The following KCNMA1 variants were observed in gnomAD, a reference collection of about 807,000 sequenced individuals.
The protein encoded by KCNMA1 is Calcium-activated potassium channel subunit alpha-1.
Under a neutral mutation model 140.0 loss-of-function variants are expected in KCNMA1, and 29 were observed. That is an observed-to-expected ratio of 0.21 (90% CI 0.15 to 0.28). KCNMA1 has a LOEUF of 0.28. KCNMA1 is among the 10% of genes least tolerant of loss of function. KCNMA1 has a pLI of 1.00. For synonymous variants in KCNMA1, 612 were observed against 611.9 expected (o/e 1.00, Z 0.00); for missense variants, 880 against 1,602.2 (o/e 0.55, Z 7.70).
chr10:77,034,804 A>T (rs1237094708), intron 15 of KCNMA1, among the ~76,000 whole-genome samples: 1 of 152,232 alleles, frequency 6.6e-6, no homozygotes, highest in Non-Finnish European at 1.5e-5. Context: ...GACACATACC[A>T]TATTTTAAAT....
At chr10:77,094,266 G>A (rs2096878131) in intron 9 of KCNMA1, among the ~76,000 whole-genome samples, 1 of 152,088 alleles carries the variant, frequency 6.6e-6, no homozygotes, top group Admixed American at 6.5e-5. Context: ...TATATGCCTG[G>A]CATCCCACAG....
At chr10:77,427,717 A>ATT (rs1566785244) in intron 1 of KCNMA1, among the ~76,000 whole-genome samples, 37 of 61,422 alleles carry the variant, frequency 6.0e-4, no homozygotes, top group African/African-American at 2.6e-3. Flanking sequence ...GCATCCATCC[A>ATT]TTCATTTATT....
chr10:76,995,455 A>G (rs1237389712), intron 19 of KCNMA1: 1 of 420,200 alleles, frequency 2.4e-6, no homozygotes, highest in South Asian at 1.8e-5. Context: ...AGCCTGCTCT[A>G]ATTCAAACCT....
chr10:76,987,987 T>C (rs1165951663), intron 19 of KCNMA1, among the ~76,000 whole-genome samples: 6 of 152,162 alleles, frequency 3.9e-5, no homozygotes, highest in African/African-American at 1.2e-4. Flanking sequence ...AGGGCAACAA[T>C]GGCAGACTAG....
At chr10:77,620,179 C>T (rs2280163) in intron 1 of KCNMA1, among the ~76,000 whole-genome samples, 36,094 of 152,090 alleles carry the variant, frequency 0.24, 4,598 homozygotes, top group Middle Eastern at 0.36. Context: ...TCTGGCTCGA[C>T]CTCACCCAGA....
intron 3 of KCNMA1, among the ~76,000 whole-genome samples, chr10:77,229,396 A>G (rs2052743929): frequency 6.6e-6 from 1 of 152,108 alleles, no homozygotes. Context: ...TAGTAGTAAC[A>G]ATAATTTAAA....
intron 1 of KCNMA1, among the ~76,000 whole-genome samples, chr10:77,503,262 T>C (rs2044575182): frequency 6.6e-6 from 1 of 152,064 alleles, no homozygotes; most frequent in Non-Finnish European, 1.5e-5. Flanking sequence ...AACAATAAAA[T>C]CCATCTTCCA....
chr10:77,010,706 T>C (rs1044628578), intron 18 of KCNMA1, among the ~76,000 whole-genome samples: 15 of 152,000 alleles, frequency 9.9e-5, no homozygotes, highest in Admixed American at 6.6e-4. Flanking sequence ...GTGATATTTA[T>C]AGATGACTGG....
At chr10:76,895,793 T>C (rs964109218) in intron 25 of KCNMA1, among the ~76,000 whole-genome samples, 9 of 152,124 alleles carry the variant, frequency 5.9e-5, no homozygotes, top group African/African-American at 1.9e-4. Flanking sequence ...GCTGGGTGTC[T>C]GGGGGAGACA....
At chr10:76,938,498 C>T (rs79620846) in intron 23 of KCNMA1, among the ~76,000 whole-genome samples, 1,750 of 152,320 alleles carry the variant, frequency 0.011, 6 homozygotes, top group Non-Finnish European at 0.018. Context: ...GTCCTTGCAT[C>T]TTCTTCCTTT....
rs913801007 is a variant in KCNMA1 at position 77,576,638 on chromosome 10, C to T, written c.378+60627G>A. Among the ~76,000 whole-genome samples, 8 of 152,168 alleles carry T rather than the reference C, an allele frequency of 5.3e-5. No individual in the cohort carries two copies. The East Asian group carries it at 1.3e-3, about 26-fold the overall frequency. On this transcript the variant is annotated intron_variant, in intron 1 of 27. Coordinates refer to ENST00000286628, the MANE Select transcript of KCNMA1 (RefSeq NM_001161352.2). ...GACAGAAACACAGGAAGCACACAGC[C>T]GTGCAAGAAAGCTCACCATGGGATT...
intron 2 of KCNMA1, among the ~76,000 whole-genome samples, chr10:77,399,358 A>T (rs372125850): frequency 4.6e-5 from 7 of 152,370 alleles, no homozygotes; most frequent in African/African-American, 1.7e-4. Flanking sequence ...AGTGGAATTT[A>T]TCAGCACGTC....
At chr10:77,548,883 G>A (rs1455229695) in intron 1 of KCNMA1, among the ~76,000 whole-genome samples, 1 of 152,226 alleles carries the variant, frequency 6.6e-6, no homozygotes, top group Non-Finnish European at 1.5e-5. Context: ...TGGCAATCAA[G>A]ATGGACAAAT....
intron 1 of KCNMA1, among the ~76,000 whole-genome samples, chr10:77,543,363 G>T (rs1169197704): frequency 1.3e-5 from 2 of 152,106 alleles, no homozygotes; most frequent in Non-Finnish European, 2.9e-5. Flanking sequence ...GAGTCCTAAA[G>T]AATTTGCCCT....
Position 77,637,377 on chromosome 10 carries a change from G to A in KCNMA1, c.266C>T (p.Ala89Val), listed in dbSNP as rs780328891. 6.2e-7 allele frequency: 1 copy of A among 1,613,858 alleles called. No individual in the cohort carries two copies. ...AGTCACCATGGAGGAGGCCAGGAAAGCCCACCACATGCGTTGGCCCCGGCT... is the reference window on the plus strand; with the variant it reads ...AGTCACCATGGAGGAGGCCAGGAAAACCCACCACATGCGTTGGCCCCGGCT... ...CDSRGQRMWWAFLASSMVTFF... is the reference protein window; with the variant it reads ...CDSRGQRMWWVFLASSMVTFF... Residue 89 changes from alanine to valine, a missense_variant, in exon 1 of 28, where the codon GCT (alanine) becomes GTT (valine). Around this residue, in one of 13 missense-constraint regions of KCNMA1, gnomAD observed 31 missense variants for 75.0 expected, o/e 0.41. Transcript: ENST00000286628.
intron 2 of KCNMA1, chr10:77,304,391 A>G (rs995971285): frequency 6.6e-6 from 1 of 152,214 alleles, no homozygotes; most frequent in Admixed American, 6.5e-5. Flanking sequence ...TCATACCTCC[A>G]TAGCAGAGGG....
intron 2 of KCNMA1, among the ~76,000 whole-genome samples, chr10:77,263,650 C>T (rs2062606421): frequency 6.6e-6 from 1 of 152,166 alleles, no homozygotes; most frequent in Admixed American, 6.5e-5. Context: ...CTTATCAGTG[C>T]ATCCCAGAAA....
At chr10:77,629,902 T>C (rs746698318) in intron 1 of KCNMA1, among the ~76,000 whole-genome samples, 1 of 152,238 alleles carries the variant, frequency 6.6e-6, no homozygotes, top group Non-Finnish European at 1.5e-5. Flanking sequence ...ACACTCATGG[T>C]GCTCCCCTCT....
At chr10:77,193,699 T>C (rs964465254) in intron 3 of KCNMA1, among the ~76,000 whole-genome samples, 4 of 152,046 alleles carry the variant, frequency 2.6e-5, no homozygotes, top group African/African-American at 9.7e-5. Flanking sequence ...AGCACAAATA[T>C]ATGCTCTCCA....
Sources: gnomAD v4.1 joint callset for allele counts (sites outside exome capture counted in the v4.1 genomes callset) on GRCh38, gnomAD v4.1.1 for gene constraint, gnomAD v4.1.1 regional missense constraint, MANE v1.5 for transcripts, NCBI Gene and HGNC (gene_info 2026-07-23, HGNC 2026-07-21) for gene names.